The following RTL4 variants were observed in gnomAD, a reference collection of about 807,000 sequenced individuals.
RTL4 encodes the protein retrotransposon Gag-like protein 4.
A neutral mutation model predicts 5.3 loss-of-function variants in RTL4; 4 were observed. That is an observed-to-expected ratio of 0.75 (90% CI 0.37 to 1.72). RTL4 has a LOEUF of 1.72. Ranked by LOEUF, RTL4 falls within the 40% of genes most tolerant of loss-of-function variation. RTL4 has a pLI of 0.04. For synonymous variants in RTL4, 98 were observed against 87.3 expected (o/e 1.12, Z -0.68); for missense variants, 260 against 227.1 (o/e 1.14, Z -0.93).
the RTL4 span, among the ~76,000 whole-genome samples, chrX:112,249,167 A>T: frequency 8.9e-6 from 1 of 112,390 alleles, no homozygotes; most frequent in Admixed American, 9.4e-5. Flanking sequence ...ATTTTTTCAC[A>T]TTCCCAACAT....
At chrX:112,189,529 G>A in the RTL4 span, among the ~76,000 whole-genome samples, 10 of 111,021 alleles carry the variant, frequency 9.0e-5, no homozygotes, top group Non-Finnish European at 1.5e-4. Context: ...TTGGGAGGCC[G>A]AGGCAGGCAG....
At chrX:112,292,737 A>G in the RTL4 span, among the ~76,000 whole-genome samples, 2 of 111,835 alleles carry the variant, frequency 1.8e-5, no homozygotes, top group African/African-American at 6.5e-5. Flanking sequence ...GAACTAACCT[A>G]AAGATTTATC....
the RTL4 span, among the ~76,000 whole-genome samples, chrX:112,121,056 G>C: frequency 9.0e-6 from 1 of 111,688 alleles, no homozygotes; most frequent in Non-Finnish European, 1.9e-5. Context: ...TAATACATGG[G>C]TGATGAAATA....
the RTL4 span, among the ~76,000 whole-genome samples, chrX:112,206,483 C>A: frequency 9.9e-5 from 11 of 111,238 alleles, no homozygotes; most frequent in African/African-American, 3.6e-4. Flanking sequence ...CTTCCCAAAA[C>A]ACTCTCCTCT....
At chrX:112,397,678 TCTTACACTTTCCAGC>T in the RTL4 span, among the ~76,000 whole-genome samples, 1 of 112,166 alleles carries the variant, frequency 8.9e-6, no homozygotes, top group African/African-American at 3.2e-5. Flanking sequence ...TTCATCGGTG[TCTTACACTTTCCAGC>T]CTATAGATCT....
the RTL4 span, among the ~76,000 whole-genome samples, chrX:112,191,494 C>T: frequency 4.5e-5 from 5 of 111,505 alleles, no homozygotes; most frequent in Admixed American, 9.5e-5. Context: ...AAGCCTAGAC[C>T]CATTTGGCTT....
At chrX:112,319,049 G>A in the RTL4 span, among the ~76,000 whole-genome samples, 3 of 111,765 alleles carry the variant, frequency 2.7e-5, no homozygotes, top group African/African-American at 9.8e-5. Context: ...ACAGGCTTGG[G>A]TTGAACTAAA....
At chrX:112,432,505 G>T in the RTL4 span, among the ~76,000 whole-genome samples, 3 of 103,479 alleles carry the variant, frequency 2.9e-5, no homozygotes, top group Non-Finnish European at 5.9e-5. Flanking sequence ...TTTTTCTTGT[G>T]TTTTTTGGCT....
chrX:112,169,026 CTCTTTCTTTCTT>C, the RTL4 span, among the ~76,000 whole-genome samples: 165 of 49,056 alleles, frequency 3.4e-3, no homozygotes, highest in African/African-American at 0.011. Context: ...CTTTCTCTTT[CTCTTTCTTTCTT>C]TCTTTCTTTC....
At chrX:112,224,147 C>T in the RTL4 span, among the ~76,000 whole-genome samples, 2 of 110,689 alleles carry the variant, frequency 1.8e-5, no homozygotes, top group Admixed American at 9.7e-5. Flanking sequence ...GACTGCTGGG[C>T]GGTCAGAAGC....
chrX:112,326,940 A>G, the RTL4 span, among the ~76,000 whole-genome samples: 1 of 111,700 alleles, frequency 9.0e-6, no homozygotes, highest in Non-Finnish European at 1.9e-5. Flanking sequence ...CCTGCAACTG[A>G]GGGTCCTGTC....
At chrX:112,163,980 T>C in the RTL4 span, among the ~76,000 whole-genome samples, 1 of 111,827 alleles carries the variant, frequency 8.9e-6, no homozygotes, top group Non-Finnish European at 1.9e-5. Context: ...GATAGTTTAG[T>C]GACAGATAAA....
the RTL4 span, among the ~76,000 whole-genome samples, chrX:112,383,285 A>C: frequency 9.0e-6 from 1 of 111,700 alleles, no homozygotes; most frequent in African/African-American, 3.2e-5. Flanking sequence ...GCTGAATCCT[A>C]GTATAGGGGA....
the RTL4 span, among the ~76,000 whole-genome samples, chrX:112,267,802 T>G: frequency 9.1e-6 from 1 of 110,446 alleles, no homozygotes; most frequent in African/African-American, 3.3e-5. Flanking sequence ...CCTGTTTATC[T>G]CTCTCCACAT....
At chrX:112,283,496 A>AG in the RTL4 span, among the ~76,000 whole-genome samples, 1 of 111,489 alleles carries the variant, frequency 9.0e-6, no homozygotes, top group Non-Finnish European at 1.9e-5. Flanking sequence ...TTAGCTCTAG[A>AG]GAGGAGACCC....
chrX:112,318,048 A>G, the RTL4 span, among the ~76,000 whole-genome samples: 1 of 112,087 alleles, frequency 8.9e-6, no homozygotes, highest in Non-Finnish European at 1.9e-5. Context: ...TTTATTGATC[A>G]TCGTGTGTGT....
the RTL4 span, among the ~76,000 whole-genome samples, chrX:112,240,597 G>C: frequency 8.9e-6 from 1 of 111,819 alleles, no homozygotes; most frequent in East Asian, 2.8e-4. Flanking sequence ...GGCACTCGAA[G>C]TACAGTTTCT....
At chrX:112,191,014 G>A in the RTL4 span, among the ~76,000 whole-genome samples, 1 of 112,569 alleles carries the variant, frequency 8.9e-6, no homozygotes, top group Non-Finnish European at 1.9e-5. Flanking sequence ...ATTATCTGGA[G>A]CAGGCCTGGC....
At chrX:112,168,502 T>C in the RTL4 span, among the ~76,000 whole-genome samples, 5 of 111,443 alleles carry the variant, frequency 4.5e-5, no homozygotes, top group East Asian at 8.5e-4. Context: ...CATGATGAGA[T>C]AGGATAAAAG....
Sources: gnomAD v4.1 joint callset for allele counts (sites outside exome capture counted in the v4.1 genomes callset) on GRCh38, gnomAD v4.1.1 for gene constraint, MANE v1.5 for transcripts, NCBI Gene and HGNC (gene_info 2026-07-23, HGNC 2026-07-21) for gene names.